The following TENM1 variants were observed in gnomAD, a reference collection of about 807,000 sequenced individuals.
The protein encoded by TENM1 is teneurin transmembrane protein 1, also known as teneurin-1.
TENM1 carries 35 observed loss-of-function variants against 174.8 expected under a neutral mutation model. That is an observed-to-expected ratio of 0.20 (90% CI 0.15 to 0.27). TENM1 has a LOEUF of 0.27. Ranked by LOEUF, TENM1 falls within the 10% of genes least tolerant of loss-of-function variation. TENM1 has a pLI of 1.00. For synonymous variants in TENM1, 781 were observed against 798.7 expected, an observed-to-expected ratio of 0.98 and a Z score of 0.37; for missense variants, 1,633 against 2,130.1, an observed-to-expected ratio of 0.77 and a Z score of 4.59.
chrX:124,915,927 T>C (rs1284845393), intron 1 of TENM1, among the ~76,000 whole-genome samples: 1 of 112,528 alleles, frequency 8.9e-6, no homozygotes, highest in Non-Finnish European at 1.9e-5. Flanking sequence ...CAGAACTGCC[T>C]GTCAAAAATC....
chrX:124,821,348 A>G (rs1001483266), intron 3 of TENM1, among the ~76,000 whole-genome samples: 12 of 111,724 alleles, frequency 1.1e-4, no homozygotes, highest in Middle Eastern at 4.2e-3. Context: ...AAAATCCCCA[A>G]TTGGTACAAT....
Position 124,733,741 on chromosome X carries a change from A to G in TENM1, c.776+3216T>C, listed in dbSNP as rs150131453. Among the ~76,000 whole-genome samples the G allele has an allele frequency of 1.4e-3, 154 of 112,693 alleles. No individual in the cohort carries two copies. In the East Asian group the frequency reaches 0.037, roughly 27 times the overall value. On this transcript the variant is annotated intron_variant, in intron 4 of 31. Transcript: ENST00000422452. ...AAAAAGGTACTCTGTTCACTCTTACATGAAAACTTATGTTCTTCTCTGCGT... is the reference window on the plus strand; with the variant it reads ...AAAAAGGTACTCTGTTCACTCTTACGTGAAAACTTATGTTCTTCTCTGCGT...
intron 15 of TENM1, among the ~76,000 whole-genome samples, chrX:124,539,674 T>C (rs772485585): frequency 3.6e-5 from 4 of 111,604 alleles, no homozygotes; most frequent in South Asian, 7.5e-4. Flanking sequence ...TTTTGGATGA[T>C]TGTTTTTTTT....
At chrX:124,978,472 C>T in the TENM1 span, among the ~76,000 whole-genome samples, 1 of 111,588 alleles carries the variant, frequency 9.0e-6, no homozygotes, top group Non-Finnish European at 1.9e-5. Context: ...TATAGCAGCT[C>T]TGGATTCTGA....
chrX:124,404,939 G>A lies in TENM1; in HGVS notation c.5391+92C>T. On this transcript the variant is annotated intron_variant, in intron 27 of 31. Coordinates refer to ENST00000422452, the Ensembl canonical transcript of TENM1. ...TGGAGAAATGGGACTTCAGTTTAGG[G>A]AGGCTCTGCAGTTAAACAAACAAAC... 5 of 820,461 alleles carry A rather than the reference G, an allele frequency of 6.1e-6. No homozygotes were observed. The South Asian group carries it at 1.2e-4, about 19-fold the overall frequency. 67.6% of individuals were successfully genotyped at this position (820,461 alleles called of 1,213,427 possible). A position where few individuals can be genotyped will look rare whatever the true frequency, so the allele number is the denominator to read the frequency against.
In TENM1 at chrX:124,646,650, C is replaced by T. The variant is rs142124136; in HGVS notation, c.1681+59G>A. ...CTTACTATGACTATTACTACTAATT[C>T]TGGGTTATGAAATCACATCTATTTT... On this transcript the variant is annotated intron_variant, in intron 9 of 31. Transcript: ENST00000422452. 1.7e-3 allele frequency: 1,421 copies of T among 845,707 alleles called. 10 individuals are homozygous for T. In the African/African-American group the frequency reaches 0.024, roughly 15 times the overall value. The allele number at this position is 845,707 out of a possible 1,213,427, so 69.7% of individuals were successfully genotyped here. A position where few individuals can be genotyped will look rare whatever the true frequency, so the allele number is the denominator to read the frequency against.
At chrX:124,582,167 G>A (rs755487962) in intron 11 of TENM1, among the ~76,000 whole-genome samples, 33 of 112,036 alleles carry the variant, frequency 2.9e-4, no homozygotes, top group African/African-American at 9.7e-4. Flanking sequence ...AGTTTGCTGA[G>A]GATAATGGCT....
chrX:124,707,950 T>C (rs900528258), intron 4 of TENM1, among the ~76,000 whole-genome samples: 1 of 112,573 alleles, frequency 8.9e-6, no homozygotes, highest in African/African-American at 3.2e-5. Flanking sequence ...CCTACCAGCA[T>C]CACATAGTGT....
the TENM1 span, among the ~76,000 whole-genome samples, chrX:125,088,452 T>C: frequency 1.8e-5 from 2 of 111,254 alleles, no homozygotes; most frequent in Non-Finnish European, 3.8e-5. Flanking sequence ...GTGACAAATA[T>C]ATCAAAATAA....
At chrX:125,045,317 T>C in the TENM1 span, among the ~76,000 whole-genome samples, 1 of 111,242 alleles carries the variant, frequency 9.0e-6, no homozygotes, top group African/African-American at 3.3e-5. Context: ...TGAATCAGGC[T>C]CCATAGCGTT....
At chrX:124,991,470 C>T in the TENM1 span, among the ~76,000 whole-genome samples, 1 of 107,715 alleles carries the variant, frequency 9.3e-6, no homozygotes, top group African/African-American at 3.4e-5. Context: ...GTGTGTGTGT[C>T]GGGGAGTGGG....
the TENM1 span, among the ~76,000 whole-genome samples, chrX:125,005,521 G>T: frequency 9.3e-6 from 1 of 107,749 alleles, no homozygotes; most frequent in Non-Finnish European, 1.9e-5. Flanking sequence ...GGGTTTGTTT[G>T]CTCTACATGT....
At chrX:124,554,757 G>A (rs1156747216) in intron 14 of TENM1, among the ~76,000 whole-genome samples, 1 of 111,792 alleles carries the variant, frequency 8.9e-6, no homozygotes. Context: ...CACCCATGGT[G>A]CTGTTTTCTG....
chrX:124,535,761 A>T (rs1261806338), intron 15 of TENM1, among the ~76,000 whole-genome samples: 1 of 112,295 alleles, frequency 8.9e-6, no homozygotes, highest in Non-Finnish European at 1.9e-5. Context: ...TACACAGCAC[A>T]TGCTCAAGAC....
At chrX:124,685,561 G>GTTTTTTTTTTTTTTTTTT (rs201481902) in intron 5 of TENM1, among the ~76,000 whole-genome samples, 3 of 94,479 alleles carry the variant, frequency 3.2e-5, no homozygotes, top group African/African-American at 8.0e-5. Flanking sequence ...AAGCAAATCT[G>GTTTTTTTTTTTTTTTTTT]TTTTTTTTTT....
chrX:124,910,424 G>A (rs2057817209), intron 1 of TENM1, among the ~76,000 whole-genome samples: 1 of 112,045 alleles, frequency 8.9e-6, no homozygotes. Context: ...AACAATCTAT[G>A]AGGATTGCCC....
Position 124,381,306 on chromosome X carries a change from A to G in TENM1, c.7441-12T>C. The G allele has an allele frequency of 8.4e-7, 1 of 1,185,710 alleles. No individual in the cohort carries two copies. The highest frequency in any genetic ancestry group is 1.1e-6 in the Non-Finnish European group (1 of 885,709). ...ATGCCCAGGATAGTCTAGGAAAGAG[A>G]GGCACAGAGCAGATGCAGCATGGAG... On this transcript the variant is annotated splice_polypyrimidine_tract_variant and intron_variant, in intron 31 of 31. Coordinates refer to ENST00000422452, the Ensembl canonical transcript of TENM1.
chrX:124,485,026 T>G (rs2046924136), intron 21 of TENM1, among the ~76,000 whole-genome samples: 1 of 111,102 alleles, frequency 9.0e-6, no homozygotes, highest in Non-Finnish European at 1.9e-5. Flanking sequence ...CCTTGCTACT[T>G]AGGCAAAATG....
chrX:124,790,501 G>T (rs1424657374), intron 3 of TENM1, among the ~76,000 whole-genome samples: 1 of 111,836 alleles, frequency 8.9e-6, no homozygotes, highest in Non-Finnish European at 1.9e-5. Context: ...GGCTACAAAA[G>T]CTACTCCATA....
Sources: gnomAD v4.1 joint callset for allele counts (sites outside exome capture counted in the v4.1 genomes callset) on GRCh38, gnomAD v4.1.1 for gene constraint, MANE v1.5 for transcripts, NCBI Gene and HGNC (gene_info 2026-07-23, HGNC 2026-07-21) for gene names.